Variants in GALNT18 observed in about 807,000 individuals in gnomAD.
The protein encoded by GALNT18 is GalNAc-transferase 18.
GALNT18 carries 44 observed loss-of-function variants against 69.5 expected under a neutral mutation model. The observed-to-expected ratio is 0.63, with a 90% CI of 0.50 to 0.81. GALNT18 has a LOEUF of 0.81. Ranked by LOEUF, GALNT18 falls within the 40% of genes least tolerant of loss-of-function variation. The pLI is 0.00. For missense variants in GALNT18, 715 were observed against 810.0 expected, an observed-to-expected ratio of 0.88 and a Z score of 1.42; for synonymous variants, 364 against 318.2, an observed-to-expected ratio of 1.14 and a Z score of -1.53.
rs150476898 is a variant in GALNT18, at chr11:11,328,754, C to G, written c.1417-1573G>C. The stretch of plus-strand genomic sequence containing the variant: ...CCTTGGTTTACCTTAGTGGGAAGAG[C>G]ATATGTAAACACACTTTGTTCTTGT... On this transcript the variant is annotated intron_variant, in intron 8 of 10. Transcript: ENST00000227756. Among the ~76,000 whole-genome samples the G allele has an allele frequency of 4.9e-4, 75 of 152,282 alleles. 1 individual carries two copies. In the East Asian group the frequency reaches 0.012, roughly 25 times the overall value.
Position 11,595,674 on chromosome 11 carries a change from G to T in GALNT18, c.235+25685C>A, listed in dbSNP as rs371630974. ...CCTTTCATGTGGTTACTGAACATTTGTATATCTTCTTCAGAGAATTTGTCT... is the reference window on the plus strand; with the variant it reads ...CCTTTCATGTGGTTACTGAACATTTTTATATCTTCTTCAGAGAATTTGTCT... On this transcript the variant is annotated intron_variant, in intron 1 of 10. Coordinates refer to ENST00000227756, the MANE Select transcript of GALNT18 (RefSeq NM_198516.3). This position sits in a 1 kb window ranked among gnomAD's most constrained non-coding sequence, Gnocchi z 5.2. 6.6e-6 allele frequency among the ~76,000 whole-genome samples: 1 copy of T among 152,112 alleles called. No homozygotes were observed. Among genetic ancestry groups the T allele is most frequent in the East Asian group, 1.9e-4 (1 of 5,196 alleles).
chr11:11,597,146 T>C (rs768773799), intron 1 of GALNT18, among the ~76,000 whole-genome samples: 3 of 152,222 alleles, frequency 2.0e-5, no homozygotes, highest in Non-Finnish European at 4.4e-5. Context: ...TAAATCTCAC[T>C]CATTATGGTG....
chr11:11,372,610 A>C lies in GALNT18; in HGVS notation c.997T>G (p.Cys333Gly), dbSNP rs200476426. The C allele has an allele frequency of 6.2e-7, 1 of 1,614,202 alleles. No homozygotes were observed. The highest frequency in any genetic ancestry group is 2.2e-5 in the East Asian group (1 of 44,872). Residue 333 changes from cysteine to glycine, a missense_variant, in exon 6 of 11, where the codon TGC (cysteine) becomes GGC (glycine). By Grantham distance (159) the Cys-to-Gly change is radical. Transcript: ENST00000227756. This position sits in a 1 kb window ranked among gnomAD's most constrained non-coding sequence, Gnocchi z 4.9. The stretch of plus-strand genomic sequence containing the variant: ...AAGTACTGCCGGTCCACAATGAAGC[A>C]GCCAATGAGGGCAGGGCTCCTGCAG... ...APIRSPALIG[C>G]FIVDRQYFQE...
At position 11,590,325 on chromosome 11, in the gene GALNT18, C is replaced by T. The variant is rs548025713; in HGVS notation, c.235+31034G>A. ...TGCATGCAAGGGGTCACGCAGAAAG[C>T]GACAGGGCCCAAGCCTATGTCCTTG... On this transcript the variant is annotated intron_variant, in intron 1 of 10. Transcript: ENST00000227756. This position sits in a 1 kb window ranked among gnomAD's most constrained non-coding sequence, Gnocchi z 4.4. Among the ~76,000 whole-genome samples, 1 of 152,194 alleles carries T rather than the reference C, an allele frequency of 6.6e-6. No homozygotes were observed. Among genetic ancestry groups the T allele is most frequent in the Non-Finnish European group, 1.5e-5 (1 of 68,036 alleles).
intron 10 of GALNT18, among the ~76,000 whole-genome samples, chr11:11,288,569 T>G (rs1849238365): frequency 6.6e-6 from 1 of 152,190 alleles, no homozygotes; most frequent in African/African-American, 2.4e-5. Context: ...TATATCTGCA[T>G]TCCTCCTGTC....
In GALNT18 at chr11:11,480,178, C is replaced by T. The variant is rs1186418532; in HGVS notation, c.236-31242G>A. On this transcript the variant is annotated intron_variant, in intron 1 of 10. Coordinates refer to ENST00000227756, the MANE Select transcript of GALNT18 (RefSeq NM_198516.3). The surrounding 1 kb of genome is among the most constrained non-coding windows in gnomAD (Gnocchi z 4.6). ...TGAAACATCATCTCCCAGAACAAGC[C>T]ATGGGTGGTAGCCACAAAATAAACT... Among the ~76,000 whole-genome samples, 1 of 152,156 alleles carries T rather than the reference C, an allele frequency of 6.6e-6. No homozygotes were observed. Among genetic ancestry groups the T allele is most frequent in the African/African-American group, 2.4e-5 (1 of 41,436 alleles).
At chr11:11,526,813 T>C (rs1012487950) in intron 1 of GALNT18, among the ~76,000 whole-genome samples, 1 of 152,174 alleles carries the variant, frequency 6.6e-6, no homozygotes, top group Non-Finnish European at 1.5e-5. Flanking sequence ...ATAAGTCACA[T>C]GGCCAAGTGT....
chr11:11,415,993 A>G lies in GALNT18; in HGVS notation c.595+16628T>C, dbSNP rs1225852157. Among the ~76,000 whole-genome samples, 2 of 152,240 alleles carry G rather than the reference A, an allele frequency of 1.3e-5. No individual in the cohort carries two copies. The highest frequency in any genetic ancestry group is 3.2e-3 in the Middle Eastern group (1 of 316). On this transcript the variant is annotated intron_variant, in intron 3 of 10. Coordinates refer to ENST00000227756, the MANE Select transcript of GALNT18 (RefSeq NM_198516.3). This position sits in a 1 kb window ranked among gnomAD's most constrained non-coding sequence, Gnocchi z 4.1. ...GAGAAAATAAAATCACTTCAGCCTC[A>G]TGCTTGAGCAGCCCTGGTCAGGAAC... is the stretch of plus-strand genomic sequence containing the variant.
intron 9 of GALNT18, among the ~76,000 whole-genome samples, chr11:11,326,086 C>T (rs1849913087): frequency 6.7e-6 from 1 of 149,238 alleles, no homozygotes; most frequent in African/African-American, 2.5e-5. Context: ...GCTCTGTCGC[C>T]CAGGCCGGAC....
In GALNT18 at chr11:11,620,626, G is replaced by C. The variant is rs552398770; in HGVS notation, c.235+733C>G. 6.6e-6 allele frequency among the ~76,000 whole-genome samples: 1 copy of C among 152,300 alleles called. No homozygotes were observed. Among genetic ancestry groups the C allele is most frequent in the South Asian group, 2.1e-4 (1 of 4,830 alleles). On this transcript the variant is annotated intron_variant, in intron 1 of 10. Coordinates refer to ENST00000227756, the MANE Select transcript of GALNT18 (RefSeq NM_198516.3). This position sits in a 1 kb window ranked among gnomAD's most constrained non-coding sequence, Gnocchi z 6.9. ...CCGCGGGGAAGGCGCAGCCCAGGGC[G>C]TGTTCTTCCAGTCTTGGGCGGAGTC...
In GALNT18 at chr11:11,618,508, C is replaced by T. The variant is rs1860113466; in HGVS notation, c.235+2851G>A. ...TGGGAAGGCTGCTGACTCCCTCACC[C>T]CTCAGCCATCCTCTGACACCCACTT... is the stretch of plus-strand genomic sequence containing the variant. On this transcript the variant is annotated intron_variant, in intron 1 of 10. Coordinates refer to ENST00000227756, the MANE Select transcript of GALNT18 (RefSeq NM_198516.3). The surrounding 1 kb of genome is among the most constrained non-coding windows in gnomAD (Gnocchi z 6.1). Among the ~76,000 whole-genome samples the T allele has an allele frequency of 6.6e-6, 1 of 152,170 alleles. No individual in the cohort carries two copies. Among genetic ancestry groups the T allele is most frequent in the African/African-American group, 2.4e-5 (1 of 41,434 alleles).
chr11:11,316,835 T>C (rs1171962245), intron 9 of GALNT18, among the ~76,000 whole-genome samples: 1 of 152,216 alleles, frequency 6.6e-6, no homozygotes. Context: ...GTATAAACTG[T>C]GATCATCTAA....
At chr11:11,549,481 C>G (rs758893122) in intron 1 of GALNT18, among the ~76,000 whole-genome samples, 5 of 152,170 alleles carry the variant, frequency 3.3e-5, no homozygotes, top group Non-Finnish European at 1.5e-5. Context: ...CATGTTTGGG[C>G]CTCTTTAAGG....
rs2133937685 is a variant in GALNT18 at position 11,596,147 on chromosome 11, C to A, written c.235+25212G>T. Among the ~76,000 whole-genome samples, 1 of 152,212 alleles carries A rather than the reference C, an allele frequency of 6.6e-6. No homozygotes were observed. Among genetic ancestry groups the A allele is most frequent in the South Asian group, 2.1e-4 (1 of 4,814 alleles). The stretch of plus-strand genomic sequence containing the variant: ...ACCATGTGTTAAAAGACTATTCTTT[C>A]CCCCCTTTAAATTGTTTGAGCATCC... On this transcript the variant is annotated intron_variant, in intron 1 of 10. Transcript: ENST00000227756. This position sits in a 1 kb window ranked among gnomAD's most constrained non-coding sequence, Gnocchi z 4.2.
intron 3 of GALNT18, among the ~76,000 whole-genome samples, chr11:11,398,526 T>C (rs970614763): frequency 2.0e-5 from 3 of 152,208 alleles, no homozygotes; most frequent in Non-Finnish European, 4.4e-5. Context: ...AGCTCATAAG[T>C]GGCAGAACCA....
In GALNT18 at chr11:11,608,367, G is replaced by GT. The variant is rs1554957542; in HGVS notation, c.235+12991_235+12992insA. Among the ~76,000 whole-genome samples the GT allele has an allele frequency of 4.7e-3, 709 of 151,614 alleles. 3 individuals carry two copies. The highest frequency in any genetic ancestry group is 0.016 in the African/African-American group (672 of 41,208). On this transcript the variant is annotated intron_variant, in intron 1 of 10. Coordinates refer to ENST00000227756, the MANE Select transcript of GALNT18 (RefSeq NM_198516.3). The stretch of plus-strand genomic sequence containing the variant: ...TGCTCGCCTGTCTTTTTTGTTTTTT[G>GT]GTTTTTTTTTGAGACAGAGTCTTGC...
intron 3 of GALNT18, among the ~76,000 whole-genome samples, chr11:11,428,237 G>A (rs576005667): frequency 3.9e-5 from 6 of 152,366 alleles, no homozygotes; most frequent in East Asian, 3.9e-4. Flanking sequence ...GCTGAGATCC[G>A]AAGGGCCTTT....
chr11:11,448,307 C>T (rs1855706148), intron 2 of GALNT18, among the ~76,000 whole-genome samples: 1 of 152,174 alleles, frequency 6.6e-6, no homozygotes, highest in African/African-American at 2.4e-5. Flanking sequence ...CTTAAAGGAA[C>T]ATCCTTCTGT....
At chr11:11,452,458 C>G (rs559854836) in intron 1 of GALNT18, among the ~76,000 whole-genome samples, 1 of 152,346 alleles carries the variant, frequency 6.6e-6, no homozygotes, top group African/African-American at 2.4e-5. Flanking sequence ...AGCCCACAGC[C>G]CTATCGGGCC....
Sources: allele counts gnomAD v4.1 joint callset (sites outside exome capture counted in the v4.1 genomes callset), GRCh38; gene constraint gnomAD v4.1.1; non-coding constraint Gnocchi (gnomAD v3.1); transcripts MANE v1.5; gene names NCBI Gene and HGNC (gene_info 2026-07-23, HGNC 2026-07-21).